Variants in SLC9A9 observed in about 807,000 individuals in gnomAD.
SLC9A9 encodes solute carrier family 9 member A9, also known as sodium/hydrogen exchanger 9.
Under a neutral mutation model 77.8 loss-of-function variants are expected in SLC9A9, and 62 were observed. That is an observed-to-expected ratio of 0.80 (90% confidence interval 0.65 to 0.98). SLC9A9 has a LOEUF of 0.98. Ranked by LOEUF, SLC9A9 falls within the 50% of genes least tolerant of loss-of-function variation. The pLI, the probability that SLC9A9 is intolerant of heterozygous loss-of-function variation, is 0.00. For missense variants in SLC9A9, 775 were observed against 774.9 expected, an observed-to-expected ratio of 1.00 and a Z score of 0.00; for synonymous variants, 320 against 283.5, an observed-to-expected ratio of 1.13 and a Z score of -1.29.
intron 8 of SLC9A9, among the ~76,000 whole-genome samples, chr3:143,559,868 A>G (rs1338741746): frequency 6.6e-6 from 1 of 152,218 alleles, no homozygotes; most frequent in African/African-American, 2.4e-5. Flanking sequence ...AAGGGCATTG[A>G]AAATAGTGAG....
At position 143,414,226 on chromosome 3, in the gene SLC9A9, CTGTG is replaced by C. The variant is rs901470515; in HGVS notation, c.1470-32116_1470-32113del. Among the ~76,000 whole-genome samples, 9 of 152,228 alleles carry C rather than the reference CTGTG, an allele frequency of 5.9e-5. No homozygotes were observed. The East Asian group carries it at 9.7e-4, about 16-fold the overall frequency. On this transcript the variant is annotated intron_variant, in intron 12 of 15. Coordinates refer to ENST00000316549, the MANE Select transcript of SLC9A9 (RefSeq NM_173653.4). The stretch of plus-strand genomic sequence containing the variant: ...TACATGTGTGCACCTGTATAGAAGT[CTGTG>C]TGTATGTATCTTATGTGTGTATGTC...
chr3:143,653,402 G>A (rs568926915), intron 5 of SLC9A9, among the ~76,000 whole-genome samples: 156 of 152,280 alleles, frequency 1.0e-3, no homozygotes, highest in African/African-American at 3.6e-3. Flanking sequence ...AATTGCCAAG[G>A]GGGAAAGAGG....
At chr3:143,520,111 T>A (rs2036270631) in intron 9 of SLC9A9, among the ~76,000 whole-genome samples, 1 of 151,998 alleles carries the variant, frequency 6.6e-6, no homozygotes, top group Non-Finnish European at 1.5e-5. Flanking sequence ...AGGAAATGAG[T>A]TTAGATAGAA....
intron 6 of SLC9A9, among the ~76,000 whole-genome samples, chr3:143,584,753 T>G (rs2037514128): frequency 6.6e-6 from 1 of 152,236 alleles, no homozygotes; most frequent in South Asian, 2.1e-4. Context: ...GTAGTTCCAT[T>G]AATGATATCT....
At chr3:143,659,725 G>C (rs553030541) in intron 5 of SLC9A9, among the ~76,000 whole-genome samples, 178 of 152,324 alleles carry the variant, frequency 1.2e-3, no homozygotes, top group Non-Finnish European at 2.1e-3. Flanking sequence ...TGGAGCATAT[G>C]AATATGTTGC....
At chr3:143,269,132 T>C in intron 14 of SLC9A9, 152 bp from the exon 15 acceptor site, 1 of 662,878 alleles carries the variant, frequency 1.5e-6, no homozygotes, top group South Asian at 1.6e-5. Flanking sequence ...AAAATTGCTG[T>C]TTATAATCTT....
At chr3:143,805,216 C>G (rs1020664033) in intron 2 of SLC9A9, among the ~76,000 whole-genome samples, 1 of 152,100 alleles carries the variant, frequency 6.6e-6, no homozygotes, top group Non-Finnish European at 1.5e-5. Context: ...TCATCCAAAA[C>G]CGTATCCAGG....
chr3:143,658,200 T>C lies in SLC9A9; in HGVS notation c.650-5840A>G, dbSNP rs115003005. Among the ~76,000 whole-genome samples the C allele has an allele frequency of 3.9e-3, 593 of 152,302 alleles. 4 individuals carry two copies. Among genetic ancestry groups the C allele is most frequent in the African/African-American group, 0.013 (558 of 41,564 alleles). On this transcript the variant is annotated intron_variant, in intron 5 of 15. Transcript: ENST00000316549. The stretch of plus-strand genomic sequence containing the variant: ...TAAATATTGATAGATACACCTCACA[T>C]AAGCAAAAACTCTTTGGAGTCTTTC...
intron 5 of SLC9A9, among the ~76,000 whole-genome samples, chr3:143,679,693 C>T (rs867801277): frequency 6.6e-6 from 1 of 152,066 alleles, no homozygotes; most frequent in Non-Finnish European, 1.5e-5. Context: ...TTCTCCAATA[C>T]GTATTGCCAA....
rs2009348419 is a variant in SLC9A9 at position 143,828,255 on chromosome 3, G to C, written c.378+3764C>G. Among the ~76,000 whole-genome samples, 2 of 152,100 alleles carry C rather than the reference G, an allele frequency of 1.3e-5. 1 individual carries two copies. The highest frequency in any genetic ancestry group is 1.3e-4 in the Admixed American group (2 of 15,262). On this transcript the variant is annotated intron_variant, in intron 2 of 15. Transcript: ENST00000316549. ...GACACTACAATTCTACCAACTCCAA[G>C]AATGATAATTTCTAAATACTGTATG...
At chr3:143,629,439 A>G (rs1050480490) in intron 6 of SLC9A9, among the ~76,000 whole-genome samples, 1 of 152,316 alleles carries the variant, frequency 6.6e-6, no homozygotes, top group African/African-American at 2.4e-5. Context: ...CGATTGGGGC[A>G]TAGTATTTAG....
chr3:143,580,332 G>T (rs2037431578), intron 6 of SLC9A9, among the ~76,000 whole-genome samples: 1 of 152,178 alleles, frequency 6.6e-6, no homozygotes, highest in Admixed American at 6.5e-5. Flanking sequence ...CAGTAGCACA[G>T]CTTTAGAAGT....
At chr3:143,267,345 C>CA (rs1553736562) in intron 15 of SLC9A9, among the ~76,000 whole-genome samples, 1 of 113,630 alleles carries the variant, frequency 8.8e-6, no homozygotes, top group East Asian at 2.4e-4. Context: ...GTTATTGCTA[C>CA]TTTTTTTTTT....
At chr3:143,730,598 T>C (rs1045611713) in intron 4 of SLC9A9, among the ~76,000 whole-genome samples, 3 of 152,244 alleles carry the variant, frequency 2.0e-5, no homozygotes, top group African/African-American at 7.2e-5. Context: ...GTTGCCAAGA[T>C]ATCTTACATA....
At chr3:143,338,461 G>T (rs1415149070) in intron 14 of SLC9A9, among the ~76,000 whole-genome samples, 2 of 152,202 alleles carry the variant, frequency 1.3e-5, no homozygotes, top group African/African-American at 2.4e-5. Flanking sequence ...GAGAAAAGCA[G>T]TAAGCGAGAG....
chr3:143,838,972 TAG>T (rs1249793977), intron 1 of SLC9A9, among the ~76,000 whole-genome samples: 1 of 152,254 alleles, frequency 6.6e-6, no homozygotes, highest in Non-Finnish European at 1.5e-5. Context: ...AACATGAATT[TAG>T]AGAGATAATA....
In SLC9A9 at chr3:143,796,578, C is replaced by T. The variant is rs151048536; in HGVS notation, c.456+248G>A. On this transcript the variant is annotated intron_variant, in intron 3 of 15. Coordinates refer to ENST00000316549, the MANE Select transcript of SLC9A9 (RefSeq NM_173653.4). ...CAGTGTGTATTTTACACTTAAAGAA[C>T]ATCTCGATTCAGACAAGACGCATTT... Among the ~76,000 whole-genome samples, 385 of 152,174 alleles carry T rather than the reference C, an allele frequency of 2.5e-3. 7 individuals are homozygous for T. Among genetic ancestry groups the T allele is most frequent in the Admixed American group, 0.021 (321 of 15,286 alleles).
intron 5 of SLC9A9, among the ~76,000 whole-genome samples, chr3:143,662,465 G>A (rs1449527474): frequency 4.6e-5 from 7 of 152,208 alleles, no homozygotes; most frequent in African/African-American, 7.2e-5. Flanking sequence ...GACAGTGGGC[G>A]CAGCCCACAG....
At chr3:143,551,253 C>A (rs927107875) in intron 9 of SLC9A9, among the ~76,000 whole-genome samples, 2 of 152,178 alleles carry the variant, frequency 1.3e-5, no homozygotes, top group African/African-American at 4.8e-5. Context: ...AGCTATCCTG[C>A]CAATACCTTG....
Sources: allele counts gnomAD v4.1 joint callset (sites outside exome capture counted in the v4.1 genomes callset), GRCh38; gene constraint gnomAD v4.1.1; transcripts MANE v1.5; gene names NCBI Gene and HGNC (gene_info 2026-07-23, HGNC 2026-07-21).